The following LDLRAP1 variants were observed in gnomAD, a reference collection of about 807,000 sequenced individuals.
LDLRAP1 encodes the protein low density lipoprotein receptor adaptor protein 1.
In LDLRAP1, 30 loss-of-function variants were observed where a neutral mutation model predicts 37.8. The observed-to-expected ratio is 0.79, with a 90% CI of 0.59 to 1.08. The LOEUF is 1.08. Ranked by LOEUF, LDLRAP1 falls within the 50% of genes least tolerant of loss-of-function variation. The pLI is 0.00. For synonymous variants in LDLRAP1, 156 were observed against 169.8 expected, an observed-to-expected ratio of 0.92 and a Z score of 0.63; for missense variants, 375 against 401.6, an observed-to-expected ratio of 0.93 and a Z score of 0.57.
intron 4 of LDLRAP1, among the ~76,000 whole-genome samples, chr1:25,559,009 G>A (rs547445538): frequency 6.6e-6 from 1 of 152,162 alleles, no homozygotes; most frequent in East Asian, 1.9e-4. Context: ...TTGCCTCAGT[G>A]ACCTCCAGGG....
At chr1:25,579,227 CG>C in the LDLRAP1 span, among the ~76,000 whole-genome samples, 1 of 152,190 alleles carries the variant, frequency 6.6e-6, no homozygotes, top group Non-Finnish European at 1.5e-5. Flanking sequence ...GCACCCCACT[CG>C]ATGAGGCCAG....
At chr1:25,563,239 G>C (rs2044390663) in intron 6 of LDLRAP1, 86 bp downstream of exon 6, 1 of 1,093,996 alleles carries the variant, frequency 9.1e-7, no homozygotes, top group East Asian at 2.4e-5. Flanking sequence ...CCTGGGCTGG[G>C]AGAGCCTCTT....
At chr1:25,563,496 T>C (rs891354923) in intron 6 of LDLRAP1, 165 bp from the exon 7 acceptor site, 39 of 871,482 alleles carry the variant, frequency 4.5e-5, no homozygotes, top group Non-Finnish European at 7.0e-5. Context: ...TCTCACTCTG[T>C]GGGCAGCTGC....
chr1:25,543,854 C>T (rs1291819388), intron 1 of LDLRAP1, 68 bp downstream of exon 1: 21 of 1,062,062 alleles, frequency 2.0e-5, no homozygotes, highest in Non-Finnish European at 2.4e-5. Flanking sequence ...TCCGCGGGCG[C>T]CCGGAGTGCG....
At chr1:25,584,342 A>G in the LDLRAP1 span, among the ~76,000 whole-genome samples, 1 of 151,448 alleles carries the variant, frequency 6.6e-6, no homozygotes, top group African/African-American at 2.4e-5. Context: ...AAAAGATGGT[A>G]CAAGTTCAGT....
chr1:25,543,844 TCCGCGGGCGC>T (rs2043862835), intron 1 of LDLRAP1, 58 bp downstream of exon 1: 1 of 1,108,368 alleles, frequency 9.0e-7, no homozygotes, highest in Admixed American at 4.5e-5. Flanking sequence ...GCGCGGGGCC[TCCGCGGGCGC>T]CCGGAGTGCG....
At chr1:25,549,333 A>T (rs2124648297) in intron 1 of LDLRAP1, among the ~76,000 whole-genome samples, 1 of 152,346 alleles carries the variant, frequency 6.6e-6, no homozygotes, top group South Asian at 2.1e-4. Flanking sequence ...GCTGGAGGCC[A>T]GAGCCCCGGT....
the LDLRAP1 span, among the ~76,000 whole-genome samples, chr1:25,577,523 C>T: frequency 6.6e-6 from 1 of 152,210 alleles, no homozygotes; most frequent in Non-Finnish European, 1.5e-5. Flanking sequence ...GGCAGAGTCA[C>T]ATGCCAGCCA....
chr1:25,564,116 C>T (rs1429488611), intron 7 of LDLRAP1: 1 of 381,010 alleles, frequency 2.6e-6, no homozygotes, highest in Non-Finnish European at 5.1e-6. Flanking sequence ...GCTCCTACCA[C>T]CCCTCCCCCT....
At chr1:25,543,855 C>T in intron 1 of LDLRAP1, 69 bp downstream of exon 1, 1 of 1,058,626 alleles carries the variant, frequency 9.4e-7, no homozygotes, top group Non-Finnish European at 1.2e-6. Context: ...CCGCGGGCGC[C>T]CGGAGTGCGG....
intron 1 of LDLRAP1, among the ~76,000 whole-genome samples, chr1:25,551,724 G>T (rs1250861201): frequency 6.6e-6 from 1 of 152,150 alleles, no homozygotes; most frequent in East Asian, 1.9e-4. Context: ...ATAAGGTCAT[G>T]TTGGGCTTTG....
chr1:25,579,191 T>C, the LDLRAP1 span, among the ~76,000 whole-genome samples: 1 of 152,202 alleles, frequency 6.6e-6, no homozygotes, highest in African/African-American at 2.4e-5. Context: ...CAGTCTGTTC[T>C]TGCAAGGCAG....
At chr1:25,545,147 G>A (rs373435164) in intron 1 of LDLRAP1, among the ~76,000 whole-genome samples, 33 of 152,304 alleles carry the variant, frequency 2.2e-4, no homozygotes, top group African/African-American at 7.9e-4. Flanking sequence ...TTAAAAACTG[G>A]CAAGATTTGA....
chr1:25,559,634 C>T (rs79153573), intron 4 of LDLRAP1, among the ~76,000 whole-genome samples: 3,055 of 152,304 alleles, frequency 0.02, 93 homozygotes, highest in African/African-American at 0.067. Flanking sequence ...AGGGGCCCTG[C>T]GGAGCCCTCT....
intron 1 of LDLRAP1, among the ~76,000 whole-genome samples, chr1:25,546,484 C>T (rs900457456): frequency 6.6e-6 from 1 of 152,178 alleles, no homozygotes; most frequent in African/African-American, 2.4e-5. Context: ...GGCTCTCTTC[C>T]TCTCCCACAC....
the LDLRAP1 span, among the ~76,000 whole-genome samples, chr1:25,586,190 C>T: frequency 2.5e-3 from 378 of 152,264 alleles, no homozygotes; most frequent in African/African-American, 8.7e-3. The surrounding 1 kb of genome is among the most constrained non-coding windows in gnomAD (Gnocchi z 4.3). Context: ...TAAAGACAGG[C>T]GGTCCAGGGG....
chr1:25,580,629 C>A, the LDLRAP1 span, among the ~76,000 whole-genome samples: 1 of 152,142 alleles, frequency 6.6e-6, no homozygotes, highest in Non-Finnish European at 1.5e-5. Context: ...CCTCCTCAGC[C>A]CCCCAAGTAG....
rs2044509266 is a variant in LDLRAP1, at chr1:25,567,291, C to G, written c.*299C>G. ...GTGACATGTGCAGTGCTGTAATCGG[C>G]TCCCGCTTGCTCTCCTGGAGCAAGC... is the stretch of plus-strand genomic sequence containing the variant. On this transcript the variant is annotated 3_prime_UTR_variant, in exon 9 of 9. Coordinates refer to ENST00000374338, the MANE Select transcript of LDLRAP1 (RefSeq NM_015627.3). 2 of 451,688 alleles carry G rather than the reference C, an allele frequency of 4.4e-6. No individual in the cohort carries two copies. Among genetic ancestry groups the G allele is most frequent in the Non-Finnish European group, 8.3e-6 (2 of 241,772 alleles). 28.0% of individuals were successfully genotyped at this position (451,688 alleles called of 1,614,324 possible).
At chr1:25,553,182 G>C (rs974532237) in intron 1 of LDLRAP1, among the ~76,000 whole-genome samples, 1 of 152,176 alleles carries the variant, frequency 6.6e-6, no homozygotes, top group African/African-American at 2.4e-5. Context: ...GTTGAAGTCC[G>C]ACTCATTGTA....
Sources: gnomAD v4.1 joint callset for allele counts (sites outside exome capture counted in the v4.1 genomes callset) on GRCh38, gnomAD v4.1.1 for gene constraint, Gnocchi (gnomAD v3.1) non-coding constraint, MANE v1.5 for transcripts, NCBI Gene and HGNC (gene_info 2026-07-23, HGNC 2026-07-21) for gene names.